KDM4C: variants seen among roughly 807,000 people sequenced by gnomAD.
KDM4C encodes the protein lysine demethylase 4C, also known as lysine-specific demethylase 4C.
Under a neutral mutation model 129.3 loss-of-function variants are expected in KDM4C, and 81 were observed. The ratio of observed to expected loss-of-function variants is 0.63; its 90% CI spans 0.52 to 0.75. The LOEUF (loss-of-function observed/expected upper bound fraction) is 0.75. Ranked by LOEUF, KDM4C falls within the 30% of genes least tolerant of loss-of-function variation. The pLI, the probability that KDM4C is intolerant of heterozygous loss-of-function variation, is 0.00. For missense variants in KDM4C, 1,457 were observed against 1,304.0 expected (o/e 1.12, Z -1.81); for synonymous variants, 573 against 456.1 (o/e 1.26, Z -3.26).
intron 1 of KDM4C, among the ~76,000 whole-genome samples, chr9:6,762,616 T>A (rs1271360864): frequency 6.7e-6 from 1 of 148,208 alleles, no homozygotes; most frequent in Non-Finnish European, 1.5e-5. Flanking sequence ...ATTAGGTCAT[T>A]GTCTTTATAT....
At chr9:6,792,683 G>A (rs571037882) in intron 1 of KDM4C, among the ~76,000 whole-genome samples, 5 of 152,084 alleles carry the variant, frequency 3.3e-5, no homozygotes, top group Non-Finnish European at 5.9e-5. Flanking sequence ...CACCGCACCC[G>A]GCCTAGAAAA....
rs1319581916 is a variant in KDM4C at position 6,727,685 on chromosome 9, G to C, written c.49+6688G>C. ...CTATCTGATTTTTCCCAGTAAATGA[G>C]GCAGGCAATTCTAAGATCTTCCACA... is the stretch of plus-strand genomic sequence containing the variant. On this transcript the variant is annotated intron_variant, in intron 1 of 17. Transcript: ENST00000536108. Among the ~76,000 whole-genome samples, 4 of 127,890 alleles carry C rather than the reference G, an allele frequency of 3.1e-5. 1 individual carries two copies. The highest frequency in any genetic ancestry group is 5.0e-5 in the Non-Finnish European group (3 of 60,158). The allele number at this position is 127,890 out of a possible 152,430, so 83.9% of individuals were successfully genotyped here. A position where few individuals can be genotyped will look rare whatever the true frequency, so the allele number is the denominator to read the frequency against.
At chr9:6,995,352 G>GACACACAC (rs143193271) in intron 12 of KDM4C, among the ~76,000 whole-genome samples, 14 of 150,922 alleles carry the variant, frequency 9.3e-5, no homozygotes, top group African/African-American at 3.2e-4. Flanking sequence ...CACAGGCACA[G>GACACACAC]ACACACACAC....
chr9:7,138,344 T>G (rs1841420191), intron 19 of KDM4C, among the ~76,000 whole-genome samples: 1 of 152,262 alleles, frequency 6.6e-6, no homozygotes, highest in South Asian at 2.1e-4. Flanking sequence ...TTTGAAAGTC[T>G]TCTGTGCTTT....
At chr9:7,091,705 T>A (rs1835824158) in intron 17 of KDM4C, among the ~76,000 whole-genome samples, 1 of 152,128 alleles carries the variant, frequency 6.6e-6, no homozygotes, top group African/African-American at 2.4e-5. Flanking sequence ...AGACTGAGAA[T>A]ATTGAGTTAA....
At chr9:6,940,920 C>T (rs1825823189) in intron 8 of KDM4C, among the ~76,000 whole-genome samples, 1 of 152,134 alleles carries the variant, frequency 6.6e-6, no homozygotes, top group South Asian at 2.1e-4. Context: ...TTTTTGGCTG[C>T]TCTACATTGG....
At chr9:6,931,307 C>G (rs950531709) in intron 8 of KDM4C, among the ~76,000 whole-genome samples, 27 of 152,054 alleles carry the variant, frequency 1.8e-4, no homozygotes, top group African/African-American at 6.0e-4. Context: ...AATTGGTTAA[C>G]AGTGATACAC....
At chr9:6,931,725 T>G (rs916290355) in intron 8 of KDM4C, among the ~76,000 whole-genome samples, 4 of 152,294 alleles carry the variant, frequency 2.6e-5, no homozygotes, top group African/African-American at 9.6e-5. Context: ...GGTCTTGAAC[T>G]GCTGGACTCA....
At chr9:7,150,543 C>G (rs1057460302) in intron 19 of KDM4C, among the ~76,000 whole-genome samples, 1 of 152,140 alleles carries the variant, frequency 6.6e-6, no homozygotes, top group African/African-American at 2.4e-5. Flanking sequence ...TCTTTTTTGT[C>G]TCTGTTTTCT....
At chr9:6,781,774 G>A (rs1262118649) in intron 1 of KDM4C, among the ~76,000 whole-genome samples, 2 of 151,922 alleles carry the variant, frequency 1.3e-5, no homozygotes, top group Admixed American at 1.3e-4. Context: ...GTCTGTGAAT[G>A]ACCATACAAA....
intron 4 of KDM4C, among the ~76,000 whole-genome samples, chr9:6,840,061 C>A (rs546709072): frequency 2.6e-5 from 4 of 151,842 alleles, no homozygotes; most frequent in African/African-American, 9.7e-5. Context: ...AGGAGACTAA[C>A]TGTTCTGTTA....
chr9:7,049,042 A>G (rs1376081814), intron 16 of KDM4C, 50 bp from the exon 17 acceptor site: 2 of 1,217,610 alleles, frequency 1.6e-6, no homozygotes, highest in Non-Finnish European at 2.4e-6. Context: ...AAGTTGAAGT[A>G]TGTAAGTTTA....
At chr9:7,044,308 C>CTTGAGGTGTCTAAACA (rs1257484669) in intron 15 of KDM4C, among the ~76,000 whole-genome samples, 1 of 151,912 alleles carries the variant, frequency 6.6e-6, no homozygotes, top group African/African-American at 2.4e-5. Flanking sequence ...CAGGGAGGTC[C>CTTGAGGTGTCTAAACA]TTGAGGTGTC....
chr9:6,810,331 A>G (rs372929625), intron 3 of KDM4C, among the ~76,000 whole-genome samples: 46 of 152,204 alleles, frequency 3.0e-4, no homozygotes, highest in African/African-American at 8.9e-4. Context: ...TGCTTGGTAT[A>G]GTATCTGGGA....
At chr9:7,156,435 G>C (rs149997671) in intron 19 of KDM4C, among the ~76,000 whole-genome samples, 1,680 of 152,274 alleles carry the variant, frequency 0.011, 33 homozygotes, top group African/African-American at 0.039. Context: ...GGCCATGCCT[G>C]TGTCCTGAAT....
At chr9:6,934,768 A>G (rs1824445737) in intron 8 of KDM4C, among the ~76,000 whole-genome samples, 1 of 152,044 alleles carries the variant, frequency 6.6e-6, no homozygotes, top group African/African-American at 2.4e-5. Context: ...GGCCCACTCT[A>G]ATTTTCATTG....
At chr9:7,139,245 A>T (rs1340892657) in intron 19 of KDM4C, among the ~76,000 whole-genome samples, 1 of 152,186 alleles carries the variant, frequency 6.6e-6, no homozygotes, top group East Asian at 1.9e-4. Context: ...GCTGCTCTCC[A>T]GTCTGGGTGA....
chr9:6,763,482 ATCT>A (rs1474299562), intron 1 of KDM4C, among the ~76,000 whole-genome samples: 1 of 152,158 alleles, frequency 6.6e-6, no homozygotes, highest in African/African-American at 2.4e-5. Context: ...TTACTTGTGT[ATCT>A]CTCTTCCCTC....
chr9:6,958,874 C>A (rs1829560892), intron 8 of KDM4C, among the ~76,000 whole-genome samples: 1 of 152,022 alleles, frequency 6.6e-6, no homozygotes. Context: ...TCTCGAACTC[C>A]TGGGCTCAAG....
Sources: gnomAD v4.1 joint callset for allele counts (sites outside exome capture counted in the v4.1 genomes callset) on GRCh38, gnomAD v4.1.1 for gene constraint, MANE v1.5 for transcripts, NCBI Gene and HGNC (gene_info 2026-07-23, HGNC 2026-07-21) for gene names.